Variants in KLF8 observed in about 807,000 individuals in gnomAD.
The protein encoded by KLF8 is KLF transcription factor 8.
KLF8 carries 10 observed loss-of-function variants against 18.2 expected under a neutral mutation model. The ratio of observed to expected loss-of-function variants is 0.55; its 90% confidence interval spans 0.34 to 0.93. KLF8 has a LOEUF of 0.93. KLF8 is among the 40% of genes least tolerant of loss of function. The pLI is 0.02. For missense variants in KLF8, 264 were observed against 277.9 expected, an observed-to-expected ratio of 0.95 and a Z score of 0.36; for synonymous variants, 109 against 97.3, an observed-to-expected ratio of 1.12 and a Z score of -0.71.
At chrX:56,154,100 CA>C in the KLF8 span, among the ~76,000 whole-genome samples, 1 of 110,460 alleles carries the variant, frequency 9.1e-6, no homozygotes, top group Non-Finnish European at 1.9e-5. Context: ...CATATGGAAC[CA>C]AAAAAAGAGC....
chrX:56,281,290 T>C (rs868293390), intron 5 of KLF8, among the ~76,000 whole-genome samples: 2 of 112,224 alleles, frequency 1.8e-5, no homozygotes, highest in Middle Eastern at 4.6e-3. Flanking sequence ...CTGCACTGCC[T>C]TGCCAAGACC....
chrX:56,186,160 A>C, the KLF8 span, among the ~76,000 whole-genome samples: 1 of 112,099 alleles, frequency 8.9e-6, no homozygotes, highest in Non-Finnish European at 1.9e-5. Context: ...ACATAGGCTC[A>C]AAATAAAAGG....
At chrX:55,981,513 C>T in the KLF8 span, among the ~76,000 whole-genome samples, 2 of 112,199 alleles carry the variant, frequency 1.8e-5, no homozygotes, top group African/African-American at 3.2e-5. Context: ...GTGGTATTAA[C>T]CTTTCCTTCT....
the KLF8 span, among the ~76,000 whole-genome samples, chrX:56,015,751 C>A: frequency 9.0e-6 from 1 of 111,190 alleles, no homozygotes; most frequent in Non-Finnish European, 1.9e-5. Flanking sequence ...TAATAGTTAA[C>A]TAGTGTACAA....
chrX:56,147,623 G>A, the KLF8 span, among the ~76,000 whole-genome samples: 1 of 111,989 alleles, frequency 8.9e-6, no homozygotes, highest in African/African-American at 3.2e-5. Context: ...GGTTAGAGAA[G>A]GGTAAGCAGT....
At chrX:56,206,670 G>A in the KLF8 span, among the ~76,000 whole-genome samples, 3 of 112,225 alleles carry the variant, frequency 2.7e-5, no homozygotes, top group African/African-American at 6.5e-5. Flanking sequence ...CTGCTTTCAT[G>A]GACTGGTGTT....
chrX:56,058,820 G>A, the KLF8 span, among the ~76,000 whole-genome samples: 8 of 111,437 alleles, frequency 7.2e-5, no homozygotes, highest in Admixed American at 4.8e-4. Context: ...ATATGTGTCC[G>A]TGTGTCTTTA....
At chrX:56,234,308 C>G (rs979132424) in intron 1 of KLF8, among the ~76,000 whole-genome samples, 5 of 111,727 alleles carry the variant, frequency 4.5e-5, no homozygotes, top group Non-Finnish European at 9.4e-5. Flanking sequence ...AGTATCACCA[C>G]TTATTAGCTG....
the KLF8 span, among the ~76,000 whole-genome samples, chrX:56,128,388 T>C: frequency 3.5e-4 from 39 of 111,750 alleles, no homozygotes; most frequent in African/African-American, 1.3e-3. Context: ...TACTTTAGTA[T>C]CAATCCTTAG....
the KLF8 span, among the ~76,000 whole-genome samples, chrX:56,109,278 C>T: frequency 7.3e-5 from 8 of 109,330 alleles, no homozygotes; most frequent in African/African-American, 2.7e-4. Context: ...ACCTGTAGTC[C>T]TAGCTACTCA....
chrX:56,194,685 G>C, the KLF8 span, among the ~76,000 whole-genome samples: 1 of 112,421 alleles, frequency 8.9e-6, no homozygotes, highest in Admixed American at 9.4e-5. Context: ...GGCCCTGTCT[G>C]GCAGCTCTGA....
chrX:56,100,763 A>T, the KLF8 span, among the ~76,000 whole-genome samples: 5 of 112,130 alleles, frequency 4.5e-5, no homozygotes, highest in Admixed American at 2.8e-4. Context: ...GCTATTACTA[A>T]ATTGCTGCAG....
intron 5 of KLF8, among the ~76,000 whole-genome samples, chrX:56,279,252 G>T (rs184428991): frequency 9.0e-6 from 1 of 110,630 alleles, no homozygotes; most frequent in South Asian, 3.8e-4. Context: ...TGGTGTTCTT[G>T]TTGGGGCATG....
the KLF8 span, among the ~76,000 whole-genome samples, chrX:55,936,327 C>CA: frequency 1.8e-5 from 2 of 111,735 alleles, no homozygotes; most frequent in African/African-American, 6.5e-5. Flanking sequence ...GTGAACAAGA[C>CA]AAAAAAAGCA....
chrX:56,228,337 T>C (rs1017354985), upstream of KLF8, among the ~76,000 whole-genome samples: 4 of 111,845 alleles, frequency 3.6e-5, no homozygotes, highest in Non-Finnish European at 5.6e-5. Context: ...CAATCTAGGT[T>C]TTGTGGGGCT....
chrX:56,178,399 G>A, the KLF8 span, among the ~76,000 whole-genome samples: 114 of 112,096 alleles, frequency 1.0e-3, no homozygotes, highest in African/African-American at 3.6e-3. Context: ...TGTCACATGG[G>A]TAGATTGCAA....
chrX:56,075,661 A>G, the KLF8 span, among the ~76,000 whole-genome samples: 1 of 110,811 alleles, frequency 9.0e-6, no homozygotes, highest in South Asian at 3.8e-4. Flanking sequence ...TCTTCCACCA[A>G]CCCCACCTAC....
At chrX:56,088,431 C>G in the KLF8 span, among the ~76,000 whole-genome samples, 30 of 111,393 alleles carry the variant, frequency 2.7e-4, no homozygotes, top group East Asian at 8.2e-3. Context: ...GTTTCTACTT[C>G]TCTATAATGA....
At chrX:56,244,065 A>C (rs1388210145) in intron 1 of KLF8, among the ~76,000 whole-genome samples, 1 of 111,965 alleles carries the variant, frequency 8.9e-6, no homozygotes, top group African/African-American at 3.3e-5. Flanking sequence ...GTACCCAGGT[A>C]ATTTCATTAT....
Sources: gnomAD v4.1 joint callset for allele counts (sites outside exome capture counted in the v4.1 genomes callset) on GRCh38, gnomAD v4.1.1 for gene constraint, MANE v1.5 for transcripts, NCBI Gene and HGNC (gene_info 2026-07-23, HGNC 2026-07-21) for gene names.